The following VGLL4 variants were observed in gnomAD, a reference collection of about 807,000 sequenced individuals.
VGLL4 encodes the protein transcription cofactor vestigial-like protein 4.
VGLL4 carries 7 observed loss-of-function variants against 21.0 expected under a neutral mutation model. That is an observed-to-expected ratio of 0.33 (90% CI 0.19 to 0.63). The LOEUF (loss-of-function observed/expected upper bound fraction) is 0.63, where lower values mean the gene tolerates loss of function less well. VGLL4 is among the 20% of genes least tolerant of loss of function. The pLI is 0.78. For missense variants in VGLL4, 394 were observed against 425.7 expected (o/e 0.93, Z 0.66); for synonymous variants, 222 against 173.2 (o/e 1.28, Z -2.21).
At chr3:11,693,145 TG>T in intron 2 of VGLL4, 1 of 207,604 alleles carries the variant, frequency 4.8e-6, no homozygotes, top group South Asian at 5.5e-5. Flanking sequence ...TACTCCAGTC[TG>T]GGCAACAGAG....
intron 2 of VGLL4, among the ~76,000 whole-genome samples, chr3:11,584,693 C>T (rs1268849431): frequency 1.3e-5 from 2 of 151,362 alleles, no homozygotes; most frequent in East Asian, 3.9e-4. Context: ...TGGTTACAAG[C>T]AACATAAAAC....
chr3:11,606,101 G>T (rs75874063), intron 1 of VGLL4, among the ~76,000 whole-genome samples: 4 of 152,164 alleles, frequency 2.6e-5, no homozygotes, highest in Non-Finnish European at 5.9e-5. Flanking sequence ...GGAGGAAGCC[G>T]AAAGGCATGT....
At chr3:11,621,538 G>T (rs753534981) in intron 1 of VGLL4, among the ~76,000 whole-genome samples, 1 of 152,084 alleles carries the variant, frequency 6.6e-6, no homozygotes, top group Admixed American at 6.6e-5. Flanking sequence ...ATATTTCATC[G>T]TATGGAGAAA....
chr3:11,596,397 AGTTT>A (rs1212851648), intron 2 of VGLL4, among the ~76,000 whole-genome samples: 1 of 152,196 alleles, frequency 6.6e-6, no homozygotes. Context: ...AACTCTTTTT[AGTTT>A]GTTTTTCAAA....
At chr3:11,616,973 T>A (rs2075173007) in intron 1 of VGLL4, among the ~76,000 whole-genome samples, 1 of 152,208 alleles carries the variant, frequency 6.6e-6, no homozygotes, top group South Asian at 2.1e-4. Context: ...CCAAAGAGCT[T>A]CTGGTTATGT....
chr3:11,559,850 G>C (rs146620963), intron 3 of VGLL4, among the ~76,000 whole-genome samples: 2 of 152,126 alleles, frequency 1.3e-5, no homozygotes, highest in Admixed American at 6.5e-5. Context: ...ACTGAGCCGC[G>C]GGTGTGCCTG....
At chr3:11,646,260 T>C (rs969771360), upstream of VGLL4, among the ~76,000 whole-genome samples, 5 of 152,244 alleles carry the variant, frequency 3.3e-5, no homozygotes, top group African/African-American at 4.8e-5. Flanking sequence ...CATGAGATCA[T>C]TGCACTGAAA....
intron 1 of VGLL4, chr3:11,710,448 G>C (rs546882442): frequency 6.6e-6 from 1 of 152,184 alleles, no homozygotes; most frequent in Non-Finnish European, 1.5e-5. Context: ...GTAAGAGTAC[G>C]AGAACATGGA....
Position 11,557,832 on chromosome 3 carries a change from G to A in VGLL4, c.*724C>T, listed in dbSNP as rs1184842586. 6.6e-6 allele frequency: 1 copy of A among 152,546 alleles called. No homozygotes were observed. The highest frequency in any genetic ancestry group is 1.9e-4 in the East Asian group (1 of 5,186). 9.4% of individuals were successfully genotyped at this position (152,546 alleles called of 1,614,324 possible). A position where few individuals can be genotyped will look rare whatever the true frequency, so the allele number is the denominator to read the frequency against. ...AGAGAAGATAAAATGCCCGTGATTGGTAGAGTCTGCAGTCCAGTTGCAAGC... is the reference window on the plus strand; with the variant it reads ...AGAGAAGATAAAATGCCCGTGATTGATAGAGTCTGCAGTCCAGTTGCAAGC... On this transcript the variant is annotated 3_prime_UTR_variant, in exon 5 of 5. Transcript: ENST00000430365.
At chr3:11,687,014 T>C (rs1048341842) in intron 2 of VGLL4, among the ~76,000 whole-genome samples, 1 of 122,362 alleles carries the variant, frequency 8.2e-6, no homozygotes, top group African/African-American at 3.1e-5. Flanking sequence ...AAAATACATT[T>C]GTTACTATGG....
At chr3:11,582,461 C>G (rs765875936) in intron 2 of VGLL4, 9 of 1,247,034 alleles carry the variant, frequency 7.2e-6, no homozygotes, top group Non-Finnish European at 8.8e-6. Flanking sequence ...CTGCTTGCCC[C>G]CTGCACTGCA....
intron 2 of VGLL4, among the ~76,000 whole-genome samples, chr3:11,701,430 A>T (rs139749190): frequency 7.2e-5 from 11 of 152,208 alleles, no homozygotes; most frequent in South Asian, 2.1e-4. Flanking sequence ...TTAATAAATC[A>T]CCCAGTCTCA....
intron 2 of VGLL4, among the ~76,000 whole-genome samples, chr3:11,586,624 G>A (rs1210746164): frequency 6.6e-6 from 1 of 152,172 alleles, no homozygotes; most frequent in Non-Finnish European, 1.5e-5. Context: ...GTAAGCTAGA[G>A]GTGACTTAAG....
intron 2 of VGLL4, among the ~76,000 whole-genome samples, chr3:11,665,041 T>G (rs2076095862): frequency 6.6e-6 from 1 of 150,666 alleles, no homozygotes; most frequent in African/African-American, 2.4e-5. Flanking sequence ...TCATTTTGAT[T>G]AATTCCAAAA....
intron 1 of VGLL4, among the ~76,000 whole-genome samples, chr3:11,617,090 TA>T (rs1306836169): frequency 1.3e-5 from 2 of 152,078 alleles, no homozygotes; most frequent in East Asian, 1.9e-4. Flanking sequence ...TTTATTTTTT[TA>T]AAAAAAGAGA....
intron 2 of VGLL4, among the ~76,000 whole-genome samples, chr3:11,691,529 G>C (rs957394087): frequency 1.3e-5 from 2 of 152,126 alleles, no homozygotes; most frequent in African/African-American, 4.8e-5. Flanking sequence ...AGCTCCCAAC[G>C]TGATGCCTGG....
chr3:11,661,344 A>G (rs762140663), intron 2 of VGLL4, among the ~76,000 whole-genome samples: 1 of 152,222 alleles, frequency 6.6e-6, no homozygotes, highest in Non-Finnish European at 1.5e-5. Context: ...AAGGAAAGGA[A>G]TATTGCCAAG....
intron 1 of VGLL4, among the ~76,000 whole-genome samples, chr3:11,623,431 C>T (rs2075300936): frequency 6.6e-6 from 1 of 152,142 alleles, no homozygotes; most frequent in Non-Finnish European, 1.5e-5. Flanking sequence ...AGCTGGGCCT[C>T]TACACACATG....
chr3:11,625,371 G>T (rs1289348976), intron 1 of VGLL4, among the ~76,000 whole-genome samples: 1 of 152,192 alleles, frequency 6.6e-6, no homozygotes, highest in East Asian at 1.9e-4. Flanking sequence ...AATACATTAT[G>T]GTTTCAGCTG....
Sources: gnomAD v4.1 joint callset for allele counts (sites outside exome capture counted in the v4.1 genomes callset) on GRCh38, gnomAD v4.1.1 for gene constraint, MANE v1.5 for transcripts, NCBI Gene and HGNC (gene_info 2026-07-23, HGNC 2026-07-21) for gene names.